The following SH2D3C variants were observed in gnomAD, a reference collection of about 807,000 sequenced individuals.
The protein encoded by SH2D3C is SH2 domain containing 3C.
Under a neutral mutation model 75.2 loss-of-function variants are expected in SH2D3C, and 25 were observed. That is an observed-to-expected ratio of 0.33 (90% CI 0.24 to 0.46). The LOEUF (loss-of-function observed/expected upper bound fraction) is 0.46, where lower values mean the gene tolerates loss of function less well. SH2D3C is among the 20% of genes least tolerant of loss of function. The probability of loss-of-function intolerance (pLI) is 1.00; values close to 1 mark genes in which losing one functional copy is unlikely to be tolerated. For synonymous variants in SH2D3C, 450 were observed against 473.7 expected (o/e 0.95, Z 0.65); for missense variants, 933 against 1,165.3 (o/e 0.80, Z 2.90).
intron 3 of SH2D3C, among the ~76,000 whole-genome samples, chr9:127,756,853 C>T (rs1329308330): frequency 1.3e-5 from 2 of 151,706 alleles, no homozygotes; most frequent in Admixed American, 6.6e-5. Flanking sequence ...ACCGTGGTCT[C>T]GATCTCCTGA....
chr9:127,777,588 CT>C (rs1337241217), intron 1 of SH2D3C, among the ~76,000 whole-genome samples: 58 of 152,148 alleles, frequency 3.8e-4, no homozygotes, highest in African/African-American at 1.2e-3. Context: ...AACTCCCCAC[CT>C]GAGATCCCAT....
chr9:127,742,915 A>C lies in SH2D3C; in HGVS notation c.1850T>G (p.Val617Gly). The C allele has an allele frequency of 6.2e-7, 1 of 1,613,904 alleles. No individual in the cohort carries two copies. Among genetic ancestry groups the C allele is most frequent in the Non-Finnish European group, 8.5e-7 (1 of 1,179,906 alleles). The part of the protein sequence containing the change: ...VTKEMQTLMG[V>G]RWGMELLTLP... ...GGTGAGCAGTTCCATGCCCCAGCGG[A>C]CTCCCATTAGGGTCTGCATCTCCTT... Residue 617 changes from valine to glycine, a missense_variant, in exon 8 of 12, where the codon GTC becomes GGC. Coordinates refer to ENST00000314830, the MANE Select transcript of SH2D3C (RefSeq NM_170600.3).
intron 2 of SH2D3C, among the ~76,000 whole-genome samples, chr9:127,766,670 A>G (rs1396493356): frequency 6.6e-6 from 1 of 152,110 alleles, no homozygotes; most frequent in African/African-American, 2.4e-5. Context: ...CCCGGGTTCA[A>G]GTGATTCTCT....
intron 2 of SH2D3C, chr9:127,762,295 G>A (rs1845548025): frequency 3.9e-6 from 5 of 1,279,700 alleles, no homozygotes; most frequent in East Asian, 5.7e-5. Flanking sequence ...GAGGGCCACC[G>A]TGAACCACTC....
intron 2 of SH2D3C, chr9:127,767,231 A>G (rs142215457): frequency 4.2e-4 from 630 of 1,494,372 alleles, no homozygotes; most frequent in Non-Finnish European, 5.1e-4. Context: ...AGCGGAGCTG[A>G]GGATGCTGGG....
intron 3 of SH2D3C, among the ~76,000 whole-genome samples, chr9:127,752,640 T>C (rs192409946): frequency 4.6e-4 from 70 of 152,284 alleles, no homozygotes; most frequent in African/African-American, 1.7e-3. Context: ...GCTCCCATAC[T>C]GCCTGGGTTT....
intron 6 of SH2D3C, 62 bp from the exon 7 acceptor site, chr9:127,745,161 C>T (rs1026989805): frequency 7.3e-7 from 1 of 1,361,868 alleles, no homozygotes; most frequent in Admixed American, 2.8e-5. Context: ...GAGATTCCCG[C>T]ACCCCTTCCC....
At chr9:127,748,721 C>T (rs574340793) in intron 5 of SH2D3C, among the ~76,000 whole-genome samples, 34 of 152,308 alleles carry the variant, frequency 2.2e-4, no homozygotes, top group Admixed American at 7.2e-4. Flanking sequence ...ATTTTAGCCC[C>T]GGAGACAACC....
intron 9 of SH2D3C, 78 bp downstream of exon 9, chr9:127,741,710 A>G: frequency 6.6e-7 from 1 of 1,512,150 alleles, no homozygotes; most frequent in African/African-American, 1.4e-5. Flanking sequence ...TCCTGATTCC[A>G]TATACAGCCA....
intron 5 of SH2D3C, 71 bp from the exon 6 acceptor site, chr9:127,747,342 C>A: frequency 2.1e-6 from 3 of 1,411,510 alleles, no homozygotes; most frequent in East Asian, 2.3e-5. Flanking sequence ...TGGGACCCCC[C>A]ACCTCTGCAC....
rs71380087 is a variant in SH2D3C, at chr9:127,757,645, G to GATTATTATTATT, written c.555+3954_555+3965dup. ...TGATGATGATGATGATGATGATGAT[G>GATTATTATTATT]ATTATTATTATTATTATTATTATTT... On this transcript the variant is annotated intron_variant, in intron 3 of 11. Transcript: ENST00000314830. 2.2e-4 allele frequency among the ~76,000 whole-genome samples: 27 copies of GATTATTATTATT among 121,500 alleles called. 1 individual carries two copies. The highest frequency in any genetic ancestry group is 2.0e-3 in the South Asian group (7 of 3,442). The allele number at this position is 121,500 out of a possible 152,430, so 79.7% of individuals were successfully genotyped here.
intron 2 of SH2D3C, among the ~76,000 whole-genome samples, chr9:127,769,327 T>C (rs987678245): frequency 2.6e-5 from 4 of 152,142 alleles, no homozygotes; most frequent in Non-Finnish European, 5.9e-5. Context: ...CAGAGAGTCA[T>C]GGGAAGTCAT....
chr9:127,749,347 C>T lies in SH2D3C; in HGVS notation c.1003G>A (p.Gly335Arg). 1 of 1,613,550 alleles carries T rather than the reference C, an allele frequency of 6.2e-7. No homozygotes were observed. Among genetic ancestry groups the T allele is most frequent in the South Asian group, 1.1e-5 (1 of 91,082 alleles). ...LRYLEASYGL[G>R]QGSSKPASPV... ...CTAGCAGGCTTGCTACTCCCCTGTC[C>T]CAGGCCATAGCTGGCCTCGAGGTAG... Residue 335 changes from glycine to arginine, a missense_variant, in exon 5 of 12, where the codon GGA becomes AGA. Transcript: ENST00000314830. The surrounding 1 kb of genome is among the most constrained non-coding windows in gnomAD (Gnocchi z 5.9).
At chr9:127,750,873 TAAGAACAAAGGCC>T (rs1179902751) in intron 4 of SH2D3C, among the ~76,000 whole-genome samples, 4 of 152,192 alleles carry the variant, frequency 2.6e-5, no homozygotes, top group Non-Finnish European at 5.9e-5. Context: ...AGCATAATAA[TAAGAACAAAGGCC>T]AACATTCATG....
Position 127,751,375 on chromosome 9 carries a change from A to G in SH2D3C, c.556-75T>C. 2.9e-6 allele frequency: 4 copies of G among 1,399,384 alleles called. No homozygotes were observed. The East Asian group carries it at 6.8e-5, about 24-fold the overall frequency. The allele number at this position is 1,399,384 out of a possible 1,614,324, so 86.7% of individuals were successfully genotyped here. A position where few individuals can be genotyped will look rare whatever the true frequency, so the allele number is the denominator to read the frequency against. The stretch of plus-strand genomic sequence containing the variant: ...CTTTCCCTCCCAACTTCATTCTACC[A>G]TGGATGAACTCCTCCTATCCTGGGA... On this transcript the variant is annotated intron_variant, in intron 3 of 11. Transcript: ENST00000314830. The surrounding 1 kb of genome is among the most constrained non-coding windows in gnomAD (Gnocchi z 4.1).
chr9:127,775,622 C>A (rs1266496367), intron 1 of SH2D3C, among the ~76,000 whole-genome samples: 2 of 149,330 alleles, frequency 1.3e-5, no homozygotes, highest in African/African-American at 5.0e-5. Context: ...AGTGAGACTC[C>A]ATCTCAAAAT....
At chr9:127,746,824 G>A (rs1845044709) in intron 6 of SH2D3C, among the ~76,000 whole-genome samples, 1 of 152,242 alleles carries the variant, frequency 6.6e-6, no homozygotes, top group African/African-American at 2.4e-5. Flanking sequence ...TGTAATCCCA[G>A]CTACTTGGGA....
rs777543373 is a variant in SH2D3C, at chr9:127,746,451, G to A, written c.1264+696C>T. Among the ~76,000 whole-genome samples, 12 of 152,122 alleles carry A rather than the reference G, an allele frequency of 7.9e-5. 1 individual carries two copies. Among genetic ancestry groups the A allele is most frequent in the African/African-American group, 1.4e-4 (6 of 41,426 alleles). ...TATTTATAAGAAAGCACAGTGTTCC[G>A]TACTTTCCACTTAATTTTGCTGCAA... On this transcript the variant is annotated intron_variant, in intron 6 of 11. Coordinates refer to ENST00000314830, the MANE Select transcript of SH2D3C (RefSeq NM_170600.3).
chr9:127,776,619 T>C (rs976677909), intron 1 of SH2D3C, among the ~76,000 whole-genome samples: 2 of 152,214 alleles, frequency 1.3e-5, no homozygotes, highest in African/African-American at 4.8e-5. Flanking sequence ...CTCCGGCATT[T>C]TCCACATCCT....
Sources: allele counts gnomAD v4.1 joint callset (sites outside exome capture counted in the v4.1 genomes callset), GRCh38; gene constraint gnomAD v4.1.1; non-coding constraint Gnocchi (gnomAD v3.1); transcripts MANE v1.5; gene names NCBI Gene and HGNC (gene_info 2026-07-23, HGNC 2026-07-21).